Variants in DNAH14 observed in about 807,000 individuals in gnomAD.
DNAH14 encodes dynein axonemal heavy chain 14, also known as axonemal beta dynein heavy chain 14.
Under a neutral mutation model 520.9 loss-of-function variants are expected in DNAH14, and 478 were observed. The ratio of observed to expected loss-of-function variants is 0.92; its 90% CI spans 0.85 to 0.99. DNAH14 has a LOEUF of 0.99. Ranked by LOEUF, DNAH14 falls within the 50% of genes least tolerant of loss-of-function variation. The probability of loss-of-function intolerance (pLI) is 0.00; values close to 1 mark genes in which losing one functional copy is unlikely to be tolerated. For missense variants in DNAH14, 4,831 were observed against 5,234.5 expected (o/e 0.92, Z 2.38); for synonymous variants, 1,581 against 1,757.2 (o/e 0.90, Z 2.51).
intron 66 of DNAH14, among the ~76,000 whole-genome samples, chr1:225,335,475 G>GCACATATGCACGTGTGTACATGTGTA (rs1553335636): frequency 1.7e-5 from 1 of 57,344 alleles, no homozygotes; most frequent in African/African-American, 9.3e-5. Context: ...ACATGTGTGT[G>GCACATATGCACGTGTGTACATGTGTA]TATGCACATA....
intron 69 of DNAH14, among the ~76,000 whole-genome samples, chr1:225,342,533 G>A (rs1382358438): frequency 6.6e-6 from 1 of 151,898 alleles, no homozygotes; most frequent in East Asian, 1.9e-4. Flanking sequence ...TATAACCTTA[G>A]AAGAATGTTT....
chr1:225,288,441 T>A (rs1405663355), intron 54 of DNAH14, among the ~76,000 whole-genome samples: 1 of 152,072 alleles, frequency 6.6e-6, no homozygotes, highest in Non-Finnish European at 1.5e-5. Flanking sequence ...AATTATTAGG[T>A]TAAAAACTAA....
intron 36 of DNAH14, among the ~76,000 whole-genome samples, chr1:225,175,897 T>C (rs1285323348): frequency 2.6e-5 from 4 of 152,064 alleles, no homozygotes; most frequent in Admixed American, 2.6e-4. Flanking sequence ...TAGCTGGGAC[T>C]ACAGGCACCC....
chr1:225,322,636 TTGA>T, intron 61 of DNAH14, 25 bp from the exon 62 acceptor site: 1 of 1,431,932 alleles, frequency 7.0e-7, no homozygotes, highest in Non-Finnish European at 9.3e-7. Flanking sequence ...AATTGTGAAG[TTGA>T]TGAGATTTTC....
intron 27 of DNAH14, among the ~76,000 whole-genome samples, chr1:225,133,056 A>G (rs1010801295): frequency 1.9e-4 from 29 of 152,000 alleles, no homozygotes; most frequent in Non-Finnish European, 4.0e-4. Context: ...TCCTTTGCCC[A>G]CTTTTTAATG....
intron 12 of DNAH14, among the ~76,000 whole-genome samples, chr1:225,042,301 A>G (rs1558766212): frequency 6.6e-6 from 1 of 152,212 alleles, no homozygotes; most frequent in Admixed American, 6.5e-5. Flanking sequence ...GCCCAGACAG[A>G]GCCTAAGAAC....
chr1:225,183,777 A>G (rs926813835), intron 36 of DNAH14, among the ~76,000 whole-genome samples: 20 of 152,084 alleles, frequency 1.3e-4, no homozygotes, highest in Non-Finnish European at 1.0e-4. Flanking sequence ...AAGATCCTCA[A>G]AGACTATTAC....
At chr1:225,218,106 C>T (rs1030759342) in intron 41 of DNAH14, among the ~76,000 whole-genome samples, 14 of 152,130 alleles carry the variant, frequency 9.2e-5, no homozygotes, top group Admixed American at 3.3e-4. Flanking sequence ...CAAGCAAATG[C>T]TGAGAGATTT....
intron 36 of DNAH14, among the ~76,000 whole-genome samples, chr1:225,184,452 T>A (rs2084424708): frequency 6.6e-6 from 1 of 151,974 alleles, no homozygotes; most frequent in Non-Finnish European, 1.5e-5. Context: ...AAACCCCATC[T>A]CTACTAAAAA....
intron 1 of DNAH14, among the ~76,000 whole-genome samples, chr1:224,950,087 AT>A (rs57850815): frequency 0.048 from 7,296 of 151,244 alleles, 507 homozygotes; most frequent in African/African-American, 0.16. Flanking sequence ...TCCCATCTTG[AT>A]TTTTTTTTAG....
At chr1:225,031,991 T>A (rs2066564665) in intron 11 of DNAH14, among the ~76,000 whole-genome samples, 1 of 152,106 alleles carries the variant, frequency 6.6e-6, no homozygotes, top group African/African-American at 2.4e-5. Flanking sequence ...AGGAACTTTA[T>A]GTCACCATGA....
intron 17 of DNAH14, among the ~76,000 whole-genome samples, chr1:225,062,294 A>C (rs529935227): frequency 1.3e-5 from 2 of 152,214 alleles, no homozygotes; most frequent in African/African-American, 4.8e-5. Context: ...ATAAGACTGT[A>C]TCTCAAAAAG....
At chr1:225,352,700 T>C (rs984376444) in intron 72 of DNAH14, among the ~76,000 whole-genome samples, 2 of 152,070 alleles carry the variant, frequency 1.3e-5, no homozygotes, top group Non-Finnish European at 2.9e-5. Context: ...TCTTATTATA[T>C]GTATTAACAT....
At chr1:225,242,756 A>C (rs185750691) in intron 43 of DNAH14, among the ~76,000 whole-genome samples, 14 of 152,354 alleles carry the variant, frequency 9.2e-5, no homozygotes, top group Non-Finnish European at 4.4e-5. Flanking sequence ...TGTACTGTAG[A>C]TAATTGTATA....
At position 225,237,721 on chromosome 1, in the gene DNAH14, C is replaced by A. The variant is rs145913778; in HGVS notation, c.6519-2872C>A. Among the ~76,000 whole-genome samples, 763 of 152,234 alleles carry A rather than the reference C, an allele frequency of 5.0e-3. 6 individuals are homozygous for A. The highest frequency in any genetic ancestry group is 0.017 in the African/African-American group (720 of 41,552). ...GTATGTTTTCCAACTTGGTTCCATT[C>A]TCCCCATCTCTTTCAAGAACCCCAA... On this transcript the variant is annotated intron_variant, in intron 42 of 85. Transcript: ENST00000682510.
rs752598564 is a variant in DNAH14 at position 225,085,551 on chromosome 1, A to C, written c.3335A>C (p.Gln1112Pro). ...ATACTTTGTTCATTTTAGATGTTTCAGTATGAAAATGAAATAAATGATATG... is the reference window on the plus strand; with the variant it reads ...ATACTTTGTTCATTTTAGATGTTTCCGTATGAAAATGAAATAAATGATATG... ...VENLLALKMFQYENEINDMST... is the reference protein window; with the variant it reads ...VENLLALKMFPYENEINDMST... The change falls in exon 21 of 86, where the codon CAG (glutamine) becomes CCG (proline). Residue 1112 changes from glutamine (Q) to proline (P), a missense_variant. By Grantham distance (76) the Gln-to-Pro change is moderately conservative (BLOSUM62 -1). Coordinates refer to ENST00000682510, the MANE Select transcript of DNAH14 (RefSeq NM_001367479.1). 7 of 1,543,018 alleles carry C rather than the reference A, an allele frequency of 4.5e-6. No homozygotes were observed. The highest frequency in any genetic ancestry group is 6.1e-6 in the Non-Finnish European group (7 of 1,140,026).
chr1:225,233,913 A>G lies in DNAH14; in HGVS notation c.6518+2762A>G, dbSNP rs544513500. Among the ~76,000 whole-genome samples the G allele has an allele frequency of 2.6e-5, 4 of 151,948 alleles. 1 individual carries two copies. The South Asian group carries it at 8.3e-4, about 31-fold the overall frequency. ...CTAGATTTTCTTCTAGGGTTTTTAT[A>G]GTTTTTGGTTTTACATTTAAGTCTT... is the stretch of plus-strand genomic sequence containing the variant. On this transcript the variant is annotated intron_variant, in intron 42 of 85. Transcript: ENST00000682510.
intron 55 of DNAH14, among the ~76,000 whole-genome samples, chr1:225,292,356 G>A (rs1295892711): frequency 6.6e-6 from 1 of 152,042 alleles, no homozygotes; most frequent in Non-Finnish European, 1.5e-5. Context: ...ATTGAAGACT[G>A]ACTTTTTTCC....
At chr1:225,360,660 C>A in intron 74 of DNAH14, 21 bp from the exon 75 acceptor site, 1 of 1,539,556 alleles carries the variant, frequency 6.5e-7, no homozygotes, top group East Asian at 2.4e-5. Context: ...GTTTTATATA[C>A]CTCTCCACGT....
Sources: allele counts gnomAD v4.1 joint callset (sites outside exome capture counted in the v4.1 genomes callset), GRCh38; gene constraint gnomAD v4.1.1; transcripts MANE v1.5; gene names NCBI Gene and HGNC (gene_info 2026-07-23, HGNC 2026-07-21).